LRP1B: variants seen among roughly 807,000 people sequenced by gnomAD.
LRP1B encodes low-density lipoprotein receptor-related protein 1B.
LRP1B carries 217 observed loss-of-function variants against 556.6 expected under a neutral mutation model. The observed-to-expected ratio is 0.39, with a 90% CI of 0.35 to 0.44. The LOEUF is 0.44. Among genes scored for constraint, LRP1B ranks in the 20% least tolerant of loss-of-function variants. The pLI is 1.00. For synonymous variants in LRP1B, 2,047 were observed against 1,865.8 expected, an observed-to-expected ratio of 1.10 and a Z score of -2.50; for missense variants, 5,053 against 5,620.8, an observed-to-expected ratio of 0.90 and a Z score of 3.23.
intron 43 of LRP1B, among the ~76,000 whole-genome samples, chr2:140,593,843 G>C (rs1422426930): frequency 6.6e-6 from 1 of 152,028 alleles, no homozygotes; most frequent in Non-Finnish European, 1.5e-5. Context: ...CTGTTTGAAA[G>C]GATCTGTTTC....
intron 3 of LRP1B, among the ~76,000 whole-genome samples, chr2:141,466,075 G>T (rs1024124120): frequency 1.3e-5 from 2 of 151,700 alleles, no homozygotes; most frequent in Non-Finnish European, 2.9e-5. Context: ...TTTTGGTAGA[G>T]ATGGGGTTTC....
chr2:141,660,476 T>G (rs1014003829), intron 2 of LRP1B, among the ~76,000 whole-genome samples: 1 of 152,012 alleles, frequency 6.6e-6, no homozygotes, highest in Non-Finnish European at 1.5e-5. Flanking sequence ...AGTCTGGCAG[T>G]TCCCCCCCGC....
At chr2:140,331,686 C>CATATATATATATATATATATAT (rs10571873) in intron 79 of LRP1B, among the ~76,000 whole-genome samples, 5 of 143,070 alleles carry the variant, frequency 3.5e-5, no homozygotes, top group African/African-American at 1.3e-4. Flanking sequence ...TATATATATA[C>CATATATATATATATATATATAT]ATATATATAT....
At chr2:140,772,048 CAGG>C (rs758052631) in intron 33 of LRP1B, among the ~76,000 whole-genome samples, 24 of 152,292 alleles carry the variant, frequency 1.6e-4, no homozygotes, top group Non-Finnish European at 2.8e-4. Context: ...GATTTCTCAT[CAGG>C]AGATGTACCA....
rs558754180 is a variant in LRP1B at position 142,112,444 on chromosome 2, A to G, written c.82+18204T>C. Among the ~76,000 whole-genome samples the G allele has an allele frequency of 7.9e-5, 12 of 152,200 alleles. 1 individual carries two copies. In the East Asian group the frequency reaches 2.3e-3, roughly 29 times the overall value. On this transcript the variant is annotated intron_variant, in intron 1 of 90. Transcript: ENST00000389484. ...TTAAAAGGAAAAAAATGTTTTAAAA[A>G]GCCATAAAAGATAGAGAAAATTGGA...
chr2:141,707,256 T>C (rs146537488), intron 2 of LRP1B, among the ~76,000 whole-genome samples: 81 of 152,240 alleles, frequency 5.3e-4, no homozygotes, highest in African/African-American at 1.8e-3. Context: ...ACAGCAGCAG[T>C]GAGAGAGGCA....
intron 43 of LRP1B, among the ~76,000 whole-genome samples, chr2:140,562,050 T>C (rs1680950569): frequency 6.6e-6 from 1 of 152,080 alleles, no homozygotes. Context: ...GAGAAGAAGA[T>C]ACAGCAAATT....
intron 27 of LRP1B, among the ~76,000 whole-genome samples, chr2:140,862,391 G>C (rs1023418477): frequency 6.6e-6 from 1 of 152,126 alleles, no homozygotes; most frequent in African/African-American, 2.4e-5. Flanking sequence ...CCATATGACT[G>C]CTTTCACATT....
intron 3 of LRP1B, among the ~76,000 whole-genome samples, chr2:141,395,252 C>T (rs991043868): frequency 2.0e-5 from 3 of 152,086 alleles, no homozygotes; most frequent in African/African-American, 7.2e-5. Flanking sequence ...AACTTTCAGT[C>T]CTGCCAGCTC....
At position 140,770,987 on chromosome 2, in the gene LRP1B, T is replaced by C. The variant is rs759633367; in HGVS notation, c.5520A>G (p.Leu1840=). 1 of 1,579,752 alleles carries C rather than the reference T, an allele frequency of 6.3e-7. No individual in the cohort carries two copies. Among genetic ancestry groups the C allele is most frequent in the Non-Finnish European group, 8.6e-7 (1 of 1,167,358 alleles). The change falls in exon 34 of 91, where the codon CTA becomes CTG. Residue 1840 remains leucine (L), a synonymous_variant. Transcript: ENST00000389484. The part of the protein sequence containing the change: ...EAQQGSNSCQ[L]NNGGCSQLCL... ...AAAGTTGAGAGCATCCACCATTGTTTAGTTGGCAGGAATTGCTGCCTGCAT... is the reference window on the plus strand; with the variant it reads ...AAAGTTGAGAGCATCCACCATTGTTCAGTTGGCAGGAATTGCTGCCTGCAT...
intron 60 of LRP1B, among the ~76,000 whole-genome samples, chr2:140,459,434 C>A (rs1240330608): frequency 6.6e-6 from 1 of 152,058 alleles, no homozygotes; most frequent in Non-Finnish European, 1.5e-5. Context: ...ATAGTTAAAT[C>A]ATTAAATATG....
intron 2 of LRP1B, among the ~76,000 whole-genome samples, chr2:141,739,911 T>C (rs1693632742): frequency 6.6e-6 from 1 of 152,096 alleles, no homozygotes; most frequent in East Asian, 1.9e-4. Flanking sequence ...CCAGATTAAA[T>C]ACTATATATC....
intron 15 of LRP1B, among the ~76,000 whole-genome samples, chr2:140,999,625 G>GT (rs1697353967): frequency 1.3e-5 from 2 of 152,050 alleles, no homozygotes; most frequent in South Asian, 2.1e-4. Flanking sequence ...TCTTTCTGTT[G>GT]TTTTTTTCCA....
chr2:141,494,808 A>C (rs1683458120), intron 2 of LRP1B, among the ~76,000 whole-genome samples: 2 of 135,138 alleles, frequency 1.5e-5, no homozygotes, highest in Non-Finnish European at 3.2e-5. Context: ...CACAGAAAAC[A>C]ATGAGATTCA....
chr2:140,622,238 A>G (rs931046932), intron 41 of LRP1B, among the ~76,000 whole-genome samples: 8 of 152,236 alleles, frequency 5.3e-5, no homozygotes, highest in Non-Finnish European at 8.8e-5. Flanking sequence ...AATGTACAAC[A>G]TATAATATTG....
intron 1 of LRP1B, among the ~76,000 whole-genome samples, chr2:141,853,966 G>A (rs185432229): frequency 1.1e-4 from 17 of 151,962 alleles, no homozygotes; most frequent in Admixed American, 9.2e-4. Flanking sequence ...TGTTTGCAAG[G>A]TTAAGACAGC....
At chr2:141,878,915 C>G (rs556164080) in intron 1 of LRP1B, among the ~76,000 whole-genome samples, 1 of 152,004 alleles carries the variant, frequency 6.6e-6, no homozygotes, top group East Asian at 1.9e-4. Flanking sequence ...TCATTAATAA[C>G]AAGCTTCCCA....
intron 3 of LRP1B, among the ~76,000 whole-genome samples, chr2:141,417,717 G>C (rs1679956632): frequency 1.3e-5 from 2 of 149,532 alleles, no homozygotes; most frequent in Non-Finnish European, 3.0e-5. Context: ...TTCTTTTGAA[G>C]AAGTACCCAA....
chr2:140,575,676 C>A (rs1681492489), intron 43 of LRP1B, among the ~76,000 whole-genome samples: 1 of 152,072 alleles, frequency 6.6e-6, no homozygotes, highest in Non-Finnish European at 1.5e-5. Context: ...GTAATCCCAG[C>A]ACTTTCGGAG....
Sources: allele counts gnomAD v4.1 joint callset (sites outside exome capture counted in the v4.1 genomes callset), GRCh38; gene constraint gnomAD v4.1.1; transcripts MANE v1.5; gene names NCBI Gene and HGNC (gene_info 2026-07-23, HGNC 2026-07-21).